ZSCAN5A: variants seen among roughly 807,000 people sequenced by gnomAD.
ZSCAN5A encodes zinc finger and SCAN domain-containing protein 5A.
In ZSCAN5A, 12 loss-of-function variants were observed where a neutral mutation model predicts 23.7. That is an observed-to-expected ratio of 0.51 (90% CI 0.32 to 0.82). ZSCAN5A has a LOEUF of 0.82. ZSCAN5A is among the 40% of genes least tolerant of loss of function. The probability of loss-of-function intolerance (pLI) is 0.03; values close to 1 mark genes in which losing one functional copy is unlikely to be tolerated. For missense variants in ZSCAN5A, 597 were observed against 617.9 expected, an observed-to-expected ratio of 0.97 and a Z score of 0.36; for synonymous variants, 257 against 239.9, an observed-to-expected ratio of 1.07 and a Z score of -0.66.
At chr19:56,303,722 GAAAC>G (rs1469529465) in intron 2 of ZSCAN5A, among the ~76,000 whole-genome samples, 1 of 152,118 alleles carries the variant, frequency 6.6e-6, no homozygotes, top group Non-Finnish European at 1.5e-5. Context: ...GGACTGCAGA[GAAAC>G]AAGCAGCCAG....
intron 2 of ZSCAN5A, among the ~76,000 whole-genome samples, chr19:56,333,521 T>C (rs2041508091): frequency 6.6e-6 from 1 of 152,110 alleles, no homozygotes; most frequent in African/African-American, 2.4e-5. Context: ...TTGACATGTT[T>C]ATCTCTTCCT....
chr19:56,295,524 G>A (rs1249114134), intron 2 of ZSCAN5A, among the ~76,000 whole-genome samples: 1 of 152,006 alleles, frequency 6.6e-6, no homozygotes, highest in East Asian at 1.9e-4. Flanking sequence ...GAACCCGGGA[G>A]GCAGAAGTTG....
At chr19:56,265,396 TAAGC>T (rs546604759) in intron 2 of ZSCAN5A, among the ~76,000 whole-genome samples, 47 of 149,692 alleles carry the variant, frequency 3.1e-4, no homozygotes, top group African/African-American at 1.1e-3. Flanking sequence ...GTTAAAGCTG[TAAGC>T]AAGCAGTAAG....
intron 2 of ZSCAN5A, among the ~76,000 whole-genome samples, chr19:56,327,305 T>TGGGGTCTTGCTATATTTC (rs2041443713): frequency 6.6e-6 from 1 of 151,926 alleles, no homozygotes; most frequent in African/African-American, 2.4e-5. Context: ...TTTATAGAAA[T>TGGGGTCTTGCTATATTTC]GGGGTCTTGC....
intron 2 of ZSCAN5A, among the ~76,000 whole-genome samples, chr19:56,271,534 G>T (rs1333017683): frequency 2.0e-5 from 3 of 152,132 alleles, no homozygotes; most frequent in Non-Finnish European, 2.9e-5. Flanking sequence ...ACAAAGGAGG[G>T]GAGCTCTGAA....
chr19:56,289,776 G>A (rs2039390755), intron 2 of ZSCAN5A, among the ~76,000 whole-genome samples: 1 of 152,068 alleles, frequency 6.6e-6, no homozygotes, highest in Non-Finnish European at 1.5e-5. Context: ...ACCATACCCA[G>A]CTAATATTTT....
rs555554726 is a variant in ZSCAN5A, at chr19:56,229,404, G to T, written c.-127-4231C>A. On this transcript the variant is annotated intron_variant, in intron 2 of 5. Transcript: ENST00000683990. ...ATGTCAGTAAAGTGCTCAATACAAGGTTCATTTTGCCAAGAAATTGTAACA... is the reference window on the plus strand; with the variant it reads ...ATGTCAGTAAAGTGCTCAATACAAGTTTCATTTTGCCAAGAAATTGTAACA... 2.6e-5 allele frequency among the ~76,000 whole-genome samples: 4 copies of T among 152,252 alleles called. No homozygotes were observed. In the East Asian group the frequency reaches 7.7e-4, roughly 29 times the overall value.
chr19:56,221,782 C>A lies in ZSCAN5A; in HGVS notation c.1284G>T (p.Lys428Asn), dbSNP rs926806437. 1 of 1,613,990 alleles carries A rather than the reference C, an allele frequency of 6.2e-7. No individual in the cohort carries two copies. The highest frequency in any genetic ancestry group is 8.5e-7 in the Non-Finnish European group (1 of 1,179,990). ...QKQFTQKSYL[K>N]CHKRSHTGEK... is the part of the protein sequence containing the mutation. ...CCCCTGTGTGGCTTCTCTTGTGACA[C>A]TTCAAGTAGGACTTCTGGGTGAACT... Residue 428 changes from lysine to asparagine, a missense_variant, in exon 6 of 6, where the codon AAG (lysine) becomes AAT (asparagine). Lys to Asn is a moderately conservative substitution (Grantham distance 94). Coordinates refer to ENST00000683990, the MANE Select transcript of ZSCAN5A (RefSeq NM_001322064.3).
chr19:56,224,627 C>T, intron 3 of ZSCAN5A, 36 bp downstream of exon 3: 3 of 1,552,354 alleles, frequency 1.9e-6, no homozygotes, highest in South Asian at 1.2e-5. Context: ...CATCCCAGCT[C>T]CCCTTCCCTG....
At chr19:56,283,327 G>T (rs1600178112) in intron 2 of ZSCAN5A, 1 of 152,084 alleles carries the variant, frequency 6.6e-6, no homozygotes, top group African/African-American at 2.4e-5. Flanking sequence ...TGAGCCAGGA[G>T]CTAGGCTAAG....
rs117619162 is a variant in ZSCAN5A, at chr19:56,264,414, T to C, written c.-127-39241A>G. ...ACAGAAAATGACCTGTTTGTTCAGG[T>C]CTTCCTATTAACTGAGATCTTCCAT... On this transcript the variant is annotated intron_variant, in intron 2 of 5. Coordinates refer to ENST00000683990, the MANE Select transcript of ZSCAN5A (RefSeq NM_001322064.3). Among the ~76,000 whole-genome samples the C allele has an allele frequency of 8.5e-5, 13 of 152,334 alleles. 1 individual carries two copies. The East Asian group carries it at 2.5e-3, about 29-fold the overall frequency.
chr19:56,264,446 G>A (rs538366006), intron 2 of ZSCAN5A, among the ~76,000 whole-genome samples: 1 of 152,256 alleles, frequency 6.6e-6, no homozygotes, highest in South Asian at 2.1e-4. Flanking sequence ...CCATCTTCCA[G>A]GAATGATGCA....
chr19:56,349,202 G>A (rs1424590142), intron 2 of ZSCAN5A, among the ~76,000 whole-genome samples: 1 of 152,130 alleles, frequency 6.6e-6, no homozygotes, highest in Non-Finnish European at 1.5e-5. Context: ...AAGAAATTTG[G>A]TATTAGTAAA....
intron 2 of ZSCAN5A, among the ~76,000 whole-genome samples, chr19:56,252,919 C>T (rs1369964639): frequency 6.6e-6 from 1 of 152,188 alleles, no homozygotes; most frequent in East Asian, 1.9e-4. Context: ...GCTGACAAGG[C>T]CATAACAGGA....
intron 2 of ZSCAN5A, among the ~76,000 whole-genome samples, chr19:56,259,972 T>A (rs1011713111): frequency 6.6e-6 from 1 of 152,168 alleles, no homozygotes; most frequent in Admixed American, 6.5e-5. Context: ...AGACCTTGTT[T>A]TAAAAAAATA....
At position 56,221,732 on chromosome 19, in the gene ZSCAN5A, C is replaced by T; in HGVS notation, c.1334G>A (p.Cys445Tyr). The stretch of plus-strand genomic sequence containing the variant: ...CCCCCTGTAGGTGAAAACTTTCTTG[C>T]AGTCTTTACATTCGAAGGGCTTCTC... ...TGEKPFECKD[C>Y]KKVFTYRGSL... The change falls in exon 6 of 6, where the codon TGC becomes TAC. Residue 445 changes from cysteine (C) to tyrosine (Y), a missense_variant. This residue lies in a region of ZSCAN5A where 87 missense variants were observed against 74.4 expected (regional missense o/e 1.17). Transcript: ENST00000683990. 6.2e-7 allele frequency: 1 copy of T among 1,614,206 alleles called. No homozygotes were observed. The highest frequency in any genetic ancestry group is 8.5e-7 in the Non-Finnish European group (1 of 1,180,040).
rs74692000 is a variant in ZSCAN5A, at chr19:56,359,481, C to T, written c.-358+3754G>A. 5.2e-3 allele frequency among the ~76,000 whole-genome samples: 787 copies of T among 152,298 alleles called. 11 individuals carry two copies. The highest frequency in any genetic ancestry group is 0.017 in the African/African-American group (725 of 41,556). ...AGCCCAGGACCAGATGGATTTACAG[C>T]TGAATTCTACTGGAGGTGCAAAGAG... On this transcript the variant is annotated intron_variant, in intron 2 of 6. Transcript: ENST00000587340.
intron 2 of ZSCAN5A, among the ~76,000 whole-genome samples, chr19:56,360,064 T>C (rs1031309962): frequency 6.6e-6 from 1 of 152,152 alleles, no homozygotes; most frequent in African/African-American, 2.4e-5. Flanking sequence ...GTATTGGAAA[T>C]TCTGGCAAAG....
intron 2 of ZSCAN5A, among the ~76,000 whole-genome samples, chr19:56,229,753 TTTG>T (rs2034295489): frequency 6.6e-6 from 1 of 152,176 alleles, no homozygotes; most frequent in Non-Finnish European, 1.5e-5. Context: ...GGTGGTCTTT[TTTG>T]TTTTTTTTCA....
Sources: allele counts gnomAD v4.1 joint callset (sites outside exome capture counted in the v4.1 genomes callset), GRCh38; gene constraint gnomAD v4.1.1; regional missense constraint gnomAD v4.1.1; transcripts MANE v1.5; gene names NCBI Gene and HGNC (gene_info 2026-07-23, HGNC 2026-07-21).